STXBP5L: variants seen among roughly 807,000 people sequenced by gnomAD.
STXBP5L encodes syntaxin binding protein 5L.
STXBP5L carries 65 observed loss-of-function variants against 144.5 expected under a neutral mutation model. The ratio of observed to expected loss-of-function variants is 0.45; its 90% confidence interval spans 0.37 to 0.55. The LOEUF is 0.55. STXBP5L is among the 20% of genes least tolerant of loss of function. The pLI, the probability that STXBP5L is intolerant of heterozygous loss-of-function variation, is 0.00. For synonymous variants in STXBP5L, 505 were observed against 469.6 expected, an observed-to-expected ratio of 1.08 and a Z score of -0.97; for missense variants, 1,298 against 1,405.5, an observed-to-expected ratio of 0.92 and a Z score of 1.22.
intron 5 of STXBP5L, among the ~76,000 whole-genome samples, chr3:121,060,975 G>T (rs2041245167): frequency 6.6e-6 from 1 of 152,174 alleles, no homozygotes; most frequent in African/African-American, 2.4e-5. Flanking sequence ...ATCTCCTTCA[G>T]TTCTGCTCTG....
chr3:120,940,774 T>A (rs537889035), intron 2 of STXBP5L, among the ~76,000 whole-genome samples: 1 of 151,974 alleles, frequency 6.6e-6, no homozygotes, highest in South Asian at 2.1e-4. Flanking sequence ...CCATGGTTAG[T>A]TCATGTTATT....
intron 5 of STXBP5L, among the ~76,000 whole-genome samples, chr3:121,060,140 C>G (rs1445474226): frequency 1.3e-5 from 2 of 151,974 alleles, no homozygotes; most frequent in African/African-American, 4.8e-5. Flanking sequence ...TTTTGAGATA[C>G]GTTCCATCAG....
chr3:121,407,571 C>T lies in STXBP5L; in HGVS notation c.2916C>T (p.Cys972=), dbSNP rs758503758. The change falls in exon 23 of 27, where the codon TGC becomes TGT. Residue 972 remains cysteine, a synonymous_variant. Coordinates refer to ENST00000471454, the MANE Select transcript of STXBP5L (RefSeq NM_001308330.2). ...TGTGTAGCAGTGCCTGCTTGGCATG[C>T]TTTTGTGCTAACGGACATATCATGA... ...VVMCSSACLA[C]FCANGHIMIM... is the part of the protein sequence containing the mutation. The T allele has an allele frequency of 6.2e-7, 1 of 1,613,212 alleles. No individual in the cohort carries two copies. The highest frequency in any genetic ancestry group is 2.2e-5 in the East Asian group (1 of 44,836).
intron 2 of STXBP5L, among the ~76,000 whole-genome samples, chr3:120,940,736 A>G (rs1710527099): frequency 6.6e-6 from 1 of 151,668 alleles, no homozygotes; most frequent in South Asian, 2.1e-4. Flanking sequence ...TAAAGATGAT[A>G]GGATTGGATA....
intron 9 of STXBP5L, among the ~76,000 whole-genome samples, chr3:121,199,412 T>C (rs2048050470): frequency 6.6e-6 from 1 of 152,178 alleles, no homozygotes. Context: ...AAATATACAA[T>C]CTTGTCATCT....
At chr3:121,298,987 A>G (rs1160309963) in intron 19 of STXBP5L, among the ~76,000 whole-genome samples, 1 of 152,184 alleles carries the variant, frequency 6.6e-6, no homozygotes, top group Non-Finnish European at 1.5e-5. Context: ...TCTCCTAATT[A>G]TAAGAACCTT....
intron 7 of STXBP5L, among the ~76,000 whole-genome samples, chr3:121,124,731 T>C (rs1490362678): frequency 6.6e-6 from 1 of 152,106 alleles, no homozygotes; most frequent in Non-Finnish European, 1.5e-5. Flanking sequence ...CAAATTTTCT[T>C]CCTTTCCAAT....
chr3:120,971,456 C>G (rs960541953), intron 3 of STXBP5L, among the ~76,000 whole-genome samples: 1 of 151,942 alleles, frequency 6.6e-6, no homozygotes, highest in Non-Finnish European at 1.5e-5. Context: ...TGTGTACCCA[C>G]TGTTTAGCTT....
intron 5 of STXBP5L, among the ~76,000 whole-genome samples, chr3:121,055,008 A>C (rs1032750988): frequency 2.6e-5 from 4 of 152,196 alleles, no homozygotes; most frequent in African/African-American, 9.6e-5. Context: ...ATGATTTCCA[A>C]TAGTGATTTT....
chr3:121,333,552 C>T (rs541327857), intron 20 of STXBP5L, among the ~76,000 whole-genome samples: 8 of 142,564 alleles, frequency 5.6e-5, no homozygotes, highest in African/African-American at 2.2e-4. Context: ...TTGGGACACA[C>T]ACACAAAAAA....
At chr3:121,000,368 T>A (rs553783787) in intron 3 of STXBP5L, among the ~76,000 whole-genome samples, 44 of 152,310 alleles carry the variant, frequency 2.9e-4, no homozygotes, top group African/African-American at 9.9e-4. Context: ...GTCTTTGAGT[T>A]CTGAGGCTCT....
intron 5 of STXBP5L, among the ~76,000 whole-genome samples, chr3:121,109,642 A>G (rs1473806908): frequency 6.6e-6 from 1 of 152,114 alleles, no homozygotes; most frequent in East Asian, 1.9e-4. Context: ...TTCCAATTAA[A>G]TGATTGATTT....
chr3:121,181,900 T>G, intron 9 of STXBP5L, among the ~76,000 whole-genome samples: 1 of 146,188 alleles, frequency 6.8e-6, no homozygotes, highest in African/African-American at 2.5e-5. Context: ...CAAACAGGAG[T>G]AGCTATTCTT....
chr3:121,069,159 A>C (rs1447815036), intron 5 of STXBP5L, among the ~76,000 whole-genome samples: 2 of 152,122 alleles, frequency 1.3e-5, no homozygotes, highest in Admixed American at 1.3e-4. Flanking sequence ...TGTCATCCCT[A>C]TCTCTCCTAT....
At chr3:120,997,475 G>A (rs1238375975) in intron 3 of STXBP5L, among the ~76,000 whole-genome samples, 2 of 152,030 alleles carry the variant, frequency 1.3e-5, no homozygotes, top group Non-Finnish European at 2.9e-5. Context: ...CTTTTCAATA[G>A]CCATTCTGAC....
intron 19 of STXBP5L, among the ~76,000 whole-genome samples, chr3:121,301,196 A>C (rs1307447008): frequency 6.6e-6 from 1 of 152,184 alleles, no homozygotes; most frequent in Non-Finnish European, 1.5e-5. Context: ...ATGTTCTTCC[A>C]TTTGTTTGTA....
chr3:121,358,227 T>C (rs2045591805), intron 20 of STXBP5L, among the ~76,000 whole-genome samples: 1 of 152,118 alleles, frequency 6.6e-6, no homozygotes, highest in Non-Finnish European at 1.5e-5. Context: ...TAATTTTTTC[T>C]ACCCATTAAC....
intron 3 of STXBP5L, among the ~76,000 whole-genome samples, chr3:120,995,246 C>A (rs1390397587): frequency 6.6e-6 from 1 of 152,130 alleles, no homozygotes; most frequent in Non-Finnish European, 1.5e-5. Flanking sequence ...CTTCTAGGCT[C>A]AAGCGATCCT....
At chr3:120,937,553 C>T (rs772031979) in intron 2 of STXBP5L, among the ~76,000 whole-genome samples, 7 of 152,160 alleles carry the variant, frequency 4.6e-5, no homozygotes, top group South Asian at 4.1e-4. Context: ...CCTATATCTG[C>T]CTGTCTGTCT....
Sources: allele counts gnomAD v4.1 joint callset (sites outside exome capture counted in the v4.1 genomes callset), GRCh38; gene constraint gnomAD v4.1.1; transcripts MANE v1.5; gene names NCBI Gene and HGNC (gene_info 2026-07-23, HGNC 2026-07-21).